The following PLAC1 variants were observed in gnomAD, a reference collection of about 807,000 sequenced individuals.
The protein encoded by PLAC1 is placenta-specific protein 1.
For missense variants in PLAC1, 136 were observed against 163.2 expected, an observed-to-expected ratio of 0.83 and a Z score of 0.91; for synonymous variants, 68 against 62.1, an observed-to-expected ratio of 1.09 and a Z score of -0.44.
At chrX:134,662,018 C>T (rs1159461095), upstream of PLAC1, among the ~76,000 whole-genome samples, 1 of 111,823 alleles carries the variant, frequency 8.9e-6, no homozygotes, top group Admixed American at 9.5e-5. Flanking sequence ...GTGGGAGGAT[C>T]ACTCAAGCTG....
intron 2 of PLAC1, among the ~76,000 whole-genome samples, chrX:134,671,513 G>A (rs1489441365): frequency 9.0e-6 from 1 of 110,756 alleles, no homozygotes; most frequent in African/African-American, 3.3e-5. Flanking sequence ...CAGGAAGCAT[G>A]ACTGGGAGGC....
chrX:134,594,869 A>G (rs1010806322), intron 2 of PLAC1, among the ~76,000 whole-genome samples: 4 of 99,905 alleles, frequency 4.0e-5, no homozygotes, highest in Admixed American at 1.1e-4. Flanking sequence ...TTCAATTTCA[A>G]CTCTTATCTT....
At position 134,712,983 on chromosome X, in the gene PLAC1, A is replaced by G. The variant is rs1404479629; in HGVS notation, n.174+20452T>C. Reference sequence around the variant, plus strand: ...CTCTAACTTACAACTAAAGTAAATTATTCAGCAACTCTGGTACATTAATTA... The same window carrying G: ...CTCTAACTTACAACTAAAGTAAATTGTTCAGCAACTCTGGTACATTAATTA... On this transcript the variant is annotated intron_variant and non_coding_transcript_variant, in intron 2 of 2. Coordinates refer to the PLAC1 transcript ENST00000466797. 7.1e-5 allele frequency among the ~76,000 whole-genome samples: 8 copies of G among 112,456 alleles called. No homozygotes were observed. In the Admixed American group the frequency reaches 7.5e-4, roughly 11 times the overall value.
intron 2 of PLAC1, among the ~76,000 whole-genome samples, chrX:134,575,350 A>T (rs923712503): frequency 9.1e-6 from 1 of 110,325 alleles, no homozygotes; most frequent in Non-Finnish European, 1.9e-5. Flanking sequence ...AAACATAACA[A>T]TTTTTTAAAA....
intron 2 of PLAC1, among the ~76,000 whole-genome samples, chrX:134,699,450 CCA>C (rs1300639447): frequency 9.0e-6 from 1 of 111,653 alleles, no homozygotes; most frequent in Non-Finnish European, 1.9e-5. Flanking sequence ...CTTGGACTTC[CCA>C]GTCTCCAGAA....
At chrX:134,701,146 A>G in intron 2 of PLAC1, among the ~76,000 whole-genome samples, 1 of 112,082 alleles carries the variant, frequency 8.9e-6, no homozygotes. Context: ...AGGTACAGCC[A>G]TCTAATCTTT....
At chrX:134,611,047 T>A (rs1169767031) in intron 1 of PLAC1, among the ~76,000 whole-genome samples, 1 of 109,061 alleles carries the variant, frequency 9.2e-6, no homozygotes, top group Non-Finnish European at 1.9e-5. Context: ...GCTGGCTAAT[T>A]TTTGTGTTTT....
chrX:134,691,115 C>CTT lies in PLAC1; in HGVS notation n.174+42318_174+42319dup, dbSNP rs35070504. On this transcript the variant is annotated intron_variant and non_coding_transcript_variant, in intron 2 of 2. Coordinates refer to the PLAC1 transcript ENST00000466797. ...TTCTTTTGAGCAGTGTTTCTTTTTT[C>CTT]TTTTTTTTTTTTTCACAAGTTCCTC... 4.9e-4 allele frequency among the ~76,000 whole-genome samples: 41 copies of CTT among 83,146 alleles called. 3 individuals carry two copies. Among genetic ancestry groups the CTT allele is most frequent in the Non-Finnish European group, 7.9e-4 (35 of 44,434 alleles). The allele number at this position is 83,146 out of a possible 115,157, so 72.2% of individuals were successfully genotyped here.
intron 2 of PLAC1, among the ~76,000 whole-genome samples, chrX:134,574,549 T>C (rs1461104119): frequency 4.5e-5 from 5 of 112,063 alleles, no homozygotes; most frequent in African/African-American, 1.6e-4. Context: ...TCTAGGATCA[T>C]TGATGCCAAG....
intron 2 of PLAC1, among the ~76,000 whole-genome samples, chrX:134,692,213 T>C (rs940321624): frequency 2.6e-4 from 29 of 111,904 alleles, no homozygotes; most frequent in African/African-American, 9.4e-4. Context: ...GTTTAACTAC[T>C]TGGTCTTGAC....
At chrX:134,677,518 G>GA (rs1173427722) in intron 2 of PLAC1, among the ~76,000 whole-genome samples, 4 of 111,322 alleles carry the variant, frequency 3.6e-5, no homozygotes, top group Admixed American at 1.9e-4. Context: ...ACAGCCGCTG[G>GA]AAAAAACCAT....
rs191813774 is a variant in PLAC1 at position 134,761,996 on chromosome X, C to T, written n.89+2238G>A. Among the ~76,000 whole-genome samples, 28 of 111,710 alleles carry T rather than the reference C, an allele frequency of 2.5e-4. No homozygotes were observed. In the East Asian group the frequency reaches 7.0e-3, roughly 28 times the overall value. Reference sequence around the variant, plus strand: ...AACTTTTGAAGCGCCCTCTAATGCCCACTTCCAGTCATTCACTCTATGAAT... The same window carrying T: ...AACTTTTGAAGCGCCCTCTAATGCCTACTTCCAGTCATTCACTCTATGAAT... On this transcript the variant is annotated intron_variant and non_coding_transcript_variant, in intron 1 of 2. Transcript: ENST00000466797.
At chrX:134,569,244 G>A (rs924498599) in intron 2 of PLAC1, among the ~76,000 whole-genome samples, 2 of 111,349 alleles carry the variant, frequency 1.8e-5, no homozygotes, top group African/African-American at 6.5e-5. Context: ...TCTGAGAAAT[G>A]AGACTGTTGT....
intron 2 of PLAC1, among the ~76,000 whole-genome samples, chrX:134,594,822 T>TTTTG (rs1349385669): frequency 9.1e-6 from 1 of 109,393 alleles, no homozygotes; most frequent in African/African-American, 3.3e-5. Flanking sequence ...AGGAACAGGT[T>TTTTG]TTTGTTTCAT....
chrX:134,566,759 CAA>C lies in PLAC1; in HGVS notation c.-58-21_-58-20del, dbSNP rs1218313267. On this transcript the variant is annotated intron_variant, in intron 2 of 2. Coordinates refer to ENST00000359237, the MANE Select transcript of PLAC1 (RefSeq NM_021796.4). ...AGGATTTCTAGAGCACAAAAAAACA[CAA>C]GAGGCAAGTCATCTTATTTTCTATT... 7 of 778,261 alleles carry C rather than the reference CAA, an allele frequency of 9.0e-6. No homozygotes were observed. Among genetic ancestry groups the C allele is most frequent in the East Asian group, 6.3e-5 (2 of 31,518 alleles). 64.1% of individuals were successfully genotyped at this position (778,261 alleles called of 1,213,427 possible).
At chrX:134,585,219 G>T (rs371515714) in intron 2 of PLAC1, among the ~76,000 whole-genome samples, 1 of 101,118 alleles carries the variant, frequency 9.9e-6, no homozygotes, top group Non-Finnish European at 2.0e-5. Flanking sequence ...GGTGGCACGC[G>T]CCTGTAGCCC....
At chrX:134,672,281 G>A (rs772738256) in intron 2 of PLAC1, among the ~76,000 whole-genome samples, 5 of 111,147 alleles carry the variant, frequency 4.5e-5, no homozygotes, top group Non-Finnish European at 7.6e-5. Flanking sequence ...AGGGTCCCCT[G>A]ACAAATTCCA....
At position 134,636,131 on chromosome X, in the gene PLAC1, G is replaced by A. The variant is rs755952135; in HGVS notation, c.-131+22197C>T. The stretch of plus-strand genomic sequence containing the variant: ...CTATTGTTCCTACCCCAAATCCCAG[G>A]AAGTACTGGTTGACACCAAGGCTGA... On this transcript the variant is annotated intron_variant, in intron 1 of 2. Transcript: ENST00000359237. Among the ~76,000 whole-genome samples, 3 of 109,817 alleles carry A rather than the reference G, an allele frequency of 2.7e-5. No homozygotes were observed. In the South Asian group the frequency reaches 1.1e-3, roughly 42 times the overall value.
At chrX:134,602,540 A>G (rs1602824904) in intron 1 of PLAC1, among the ~76,000 whole-genome samples, 1 of 112,696 alleles carries the variant, frequency 8.9e-6, no homozygotes, top group East Asian at 2.8e-4. Flanking sequence ...AAAGTAACCA[A>G]TAGAATAACT....
Sources: allele counts gnomAD v4.1 joint callset (sites outside exome capture counted in the v4.1 genomes callset), GRCh38; gene constraint gnomAD v4.1.1; transcripts MANE v1.5; gene names NCBI Gene and HGNC (gene_info 2026-07-23, HGNC 2026-07-21).